Variants in COL5A2 observed in about 807,000 individuals in gnomAD.
COL5A2 encodes the protein collagen alpha-2(V) chain.
COL5A2 carries 23 observed loss-of-function variants against 208.2 expected under a neutral mutation model. That is an observed-to-expected ratio of 0.11 (90% CI 0.08 to 0.16). The LOEUF is 0.16. Among genes scored for constraint, COL5A2 ranks in the 10% least tolerant of loss-of-function variants. The probability of loss-of-function intolerance (pLI) is 1.00; values close to 1 mark genes in which losing one functional copy is unlikely to be tolerated. For missense variants in COL5A2, 1,590 were observed against 1,956.4 expected (o/e 0.81, Z 3.53); for synonymous variants, 625 against 628.5 (o/e 0.99, Z 0.08).
At chr2:189,326,035 T>G in the COL5A2 span, among the ~76,000 whole-genome samples, 3 of 149,510 alleles carry the variant, frequency 2.0e-5, no homozygotes, top group African/African-American at 7.4e-5. Context: ...AGTCTGAGGT[T>G]GCAGTGAGCC....
chr2:189,302,736 AACGTTG>A, the COL5A2 span, among the ~76,000 whole-genome samples: 1 of 152,086 alleles, frequency 6.6e-6, no homozygotes, highest in South Asian at 2.1e-4. Context: ...ATCAAGCCCA[AACGTTG>A]ACTCATCCCT....
chr2:189,147,869 G>T (rs189733823), intron 1 of COL5A2, among the ~76,000 whole-genome samples: 2 of 152,218 alleles, frequency 1.3e-5, no homozygotes, highest in Admixed American at 6.5e-5. Flanking sequence ...AGGAGGAAGA[G>T]AAGCTTTATC....
chr2:189,061,527 T>G, intron 30 of COL5A2, 35 bp downstream of exon 30: 1 of 1,496,706 alleles, frequency 6.7e-7, no homozygotes, highest in Non-Finnish European at 9.3e-7. Context: ...TTTTAGTTAA[T>G]GGAAGATGAA....
the COL5A2 span, among the ~76,000 whole-genome samples, chr2:189,300,149 C>T: frequency 2.6e-5 from 4 of 152,228 alleles, no homozygotes; most frequent in African/African-American, 9.6e-5. Flanking sequence ...ATAACACTTA[C>T]AGTCTTCTGA....
intron 12 of COL5A2, among the ~76,000 whole-genome samples, chr2:189,081,953 G>A (rs770365139): frequency 7.9e-5 from 12 of 152,132 alleles, no homozygotes; most frequent in Non-Finnish European, 1.0e-4. Context: ...ACTGCCGCCA[G>A]TATATTGAGC....
chr2:189,217,271 T>C (rs1689290752), intron 1 of COL5A2, among the ~76,000 whole-genome samples: 1 of 152,010 alleles, frequency 6.6e-6, no homozygotes, highest in Non-Finnish European at 1.5e-5. Flanking sequence ...AAAAGCAGAG[T>C]GGATTTGCCC....
the COL5A2 span, among the ~76,000 whole-genome samples, chr2:189,320,256 C>T: frequency 1.7e-4 from 26 of 152,136 alleles, no homozygotes; most frequent in African/African-American, 5.1e-4. Flanking sequence ...AAAATCAGAG[C>T]GCCTCTCCTC....
rs192010643 is a variant in COL5A2 at position 189,165,443 on chromosome 2, C to T, written c.97+14065G>A. On this transcript the variant is annotated intron_variant, in intron 1 of 53. Coordinates refer to ENST00000374866, the MANE Select transcript of COL5A2 (RefSeq NM_000393.5). ...GCCTAGGATTCACTGCTCCCTTATCCTTCCTCCTATCAAACCTAGTAACTG... is the reference window on the plus strand; with the variant it reads ...GCCTAGGATTCACTGCTCCCTTATCTTTCCTCCTATCAAACCTAGTAACTG... Among the ~76,000 whole-genome samples the T allele has an allele frequency of 2.6e-5, 4 of 152,314 alleles. No individual in the cohort carries two copies. The South Asian group carries it at 8.3e-4, about 32-fold the overall frequency.
the COL5A2 span, among the ~76,000 whole-genome samples, chr2:189,254,845 A>G: frequency 6.6e-6 from 1 of 152,230 alleles, no homozygotes. Flanking sequence ...TGCTCAACCT[A>G]GGAACAAAAC....
chr2:189,293,643 G>A, the COL5A2 span, among the ~76,000 whole-genome samples: 2 of 152,172 alleles, frequency 1.3e-5, no homozygotes, highest in African/African-American at 4.8e-5. Flanking sequence ...CAGAGAGCTA[G>A]CTATCCTCTT....
the COL5A2 span, among the ~76,000 whole-genome samples, chr2:189,324,586 G>C: frequency 8.0e-5 from 9 of 112,396 alleles, no homozygotes; most frequent in East Asian, 2.5e-4. Flanking sequence ...CACTGGCCAT[G>C]AGAGAAATGC....
intron 53 of COL5A2, 24 bp downstream of exon 53, chr2:189,034,892 C>A: frequency 6.2e-7 from 1 of 1,613,636 alleles, no homozygotes; most frequent in Non-Finnish European, 8.5e-7. Context: ...TCAACCAGAT[C>A]AATGTAGATC....
At chr2:189,301,516 T>G in the COL5A2 span, among the ~76,000 whole-genome samples, 1 of 152,170 alleles carries the variant, frequency 6.6e-6, no homozygotes. Context: ...CACAGTGCAG[T>G]GAATTACACC....
the COL5A2 span, among the ~76,000 whole-genome samples, chr2:189,240,365 G>C: frequency 6.6e-6 from 1 of 152,102 alleles, no homozygotes; most frequent in Non-Finnish European, 1.5e-5. Flanking sequence ...GAGAACACTT[G>C]TGTCTTTTAT....
intron 35 of COL5A2, among the ~76,000 whole-genome samples, chr2:189,054,977 G>A (rs1685873466): frequency 6.6e-6 from 1 of 151,636 alleles, no homozygotes; most frequent in Non-Finnish European, 1.5e-5. Flanking sequence ...TCCGCCTCCC[G>A]GGTTTGCGCC....
chr2:189,337,015 C>A, the COL5A2 span, among the ~76,000 whole-genome samples: 4 of 152,162 alleles, frequency 2.6e-5, no homozygotes, highest in Non-Finnish European at 5.9e-5. Flanking sequence ...TTTATTCATT[C>A]TTTACATTAA....
chr2:189,264,628 A>T, the COL5A2 span, among the ~76,000 whole-genome samples: 1 of 152,182 alleles, frequency 6.6e-6, no homozygotes, highest in African/African-American at 2.4e-5. Context: ...AATCACGAAT[A>T]GCTTCAATAA....
chr2:189,072,117 A>C, intron 17 of COL5A2, 24 bp from the exon 18 acceptor site: 1 of 1,562,230 alleles, frequency 6.4e-7, no homozygotes, highest in Non-Finnish European at 8.8e-7. Flanking sequence ...CCAGAAAAGT[A>C]ATCAGACATG....
chr2:189,051,249 C>A (rs1685780255), intron 42 of COL5A2, 71 bp downstream of exon 42: 1 of 1,595,516 alleles, frequency 6.3e-7, no homozygotes, highest in Non-Finnish European at 8.6e-7. Context: ...TTTTGTGACA[C>A]TGATCATTAT....
Sources: gnomAD v4.1 joint callset for allele counts (sites outside exome capture counted in the v4.1 genomes callset) on GRCh38, gnomAD v4.1.1 for gene constraint, MANE v1.5 for transcripts, NCBI Gene and HGNC (gene_info 2026-07-23, HGNC 2026-07-21) for gene names.